The following DIAPH3 variants were observed in gnomAD, a reference collection of about 807,000 sequenced individuals.
DIAPH3 encodes the protein diaphanous related formin 3.
A neutral mutation model predicts 144.3 loss-of-function variants in DIAPH3; 117 were observed. The observed-to-expected ratio is 0.81, with a 90% CI of 0.70 to 0.95. The LOEUF (loss-of-function observed/expected upper bound fraction) is 0.95, where lower values mean the gene tolerates loss of function less well. Among genes scored for constraint, DIAPH3 ranks in the 40% least tolerant of loss-of-function variants. The probability of loss-of-function intolerance (pLI) is 0.00; values close to 1 mark genes in which losing one functional copy is unlikely to be tolerated. For missense variants in DIAPH3, 1,421 were observed against 1,412.7 expected (o/e 1.01, Z -0.09); for synonymous variants, 519 against 488.9 (o/e 1.06, Z -0.81).
At chr13:59,811,106 T>C (rs1032537443) in intron 24 of DIAPH3, among the ~76,000 whole-genome samples, 183 bp from the exon 25 acceptor site, 2 of 152,156 alleles carry the variant, frequency 1.3e-5, no homozygotes, top group African/African-American at 4.8e-5. Flanking sequence ...ATGTTATGTA[T>C]CTATAAATAC....
intron 21 of DIAPH3, among the ~76,000 whole-genome samples, chr13:59,878,789 T>A (rs1266020022): frequency 6.6e-6 from 1 of 152,004 alleles, no homozygotes; most frequent in East Asian, 1.9e-4. Context: ...TATAAAGGGG[T>A]CCCATTTTTC....
intron 24 of DIAPH3, among the ~76,000 whole-genome samples, chr13:59,820,522 T>A (rs2041014018): frequency 6.6e-6 from 1 of 151,928 alleles, no homozygotes; most frequent in Non-Finnish European, 1.5e-5. Flanking sequence ...CACTTGAAAT[T>A]AGATATTCCT....
intron 18 of DIAPH3, 134 bp from the exon 19 acceptor site, chr13:59,916,383 GA>G (rs1194763325): frequency 1.8e-5 from 13 of 716,600 alleles, no homozygotes; most frequent in African/African-American, 3.6e-5. Flanking sequence ...ATGTTTGGGG[GA>G]AACATATTAT....
At chr13:60,068,990 G>A (rs918710782) in intron 4 of DIAPH3, among the ~76,000 whole-genome samples, 8 of 152,090 alleles carry the variant, frequency 5.3e-5, no homozygotes, top group African/African-American at 1.7e-4. Context: ...ATATTCCTTT[G>A]GGTATATACT....
intron 18 of DIAPH3, among the ~76,000 whole-genome samples, chr13:59,919,809 G>T (rs1385838009): frequency 6.6e-6 from 1 of 151,988 alleles, no homozygotes; most frequent in African/African-American, 2.4e-5. Flanking sequence ...CTTTAAAAGG[G>T]AGAATAGAGG....
rs543542829 is a variant in DIAPH3 at position 59,710,005 on chromosome 13, A to G, written c.3320-43159T>C. ...TAAACTATCGCAAGAACAAAAAACGAAACACTGCATATTCTCACTCATAGG... is the reference window on the plus strand; with the variant it reads ...TAAACTATCGCAAGAACAAAAAACGGAACACTGCATATTCTCACTCATAGG... On this transcript the variant is annotated intron_variant, in intron 27 of 27. Transcript: ENST00000400324. Among the ~76,000 whole-genome samples, 466 of 152,224 alleles carry G rather than the reference A, an allele frequency of 3.1e-3. 2 individuals are homozygous for G. The highest frequency in any genetic ancestry group is 9.8e-3 in the African/African-American group (409 of 41,526).
In DIAPH3 at chr13:59,899,701, G is replaced by A. The variant is rs867025802; in HGVS notation, c.2367+12034C>T. 4.6e-5 allele frequency among the ~76,000 whole-genome samples: 7 copies of A among 152,292 alleles called. No individual in the cohort carries two copies. In the South Asian group the frequency reaches 6.2e-4, roughly 14 times the overall value. Reference sequence around the variant, plus strand: ...AACAGAACATTATGTGACTGAAGTCGTTGGCTGTTGTGTTAAGAATAGACT... The same window carrying A: ...AACAGAACATTATGTGACTGAAGTCATTGGCTGTTGTGTTAAGAATAGACT... On this transcript the variant is annotated intron_variant, in intron 20 of 27. Coordinates refer to ENST00000400324, the MANE Select transcript of DIAPH3 (RefSeq NM_001042517.2).
intron 27 of DIAPH3, among the ~76,000 whole-genome samples, chr13:59,668,341 C>T (rs2032143402): frequency 6.6e-6 from 1 of 152,206 alleles, no homozygotes; most frequent in Non-Finnish European, 1.5e-5. Context: ...CAGCTTACTG[C>T]TCCTTCCCCA....
chr13:59,973,933 G>C (rs796384630), intron 15 of DIAPH3, among the ~76,000 whole-genome samples: 11 of 152,154 alleles, frequency 7.2e-5, no homozygotes, highest in African/African-American at 2.6e-4. Flanking sequence ...AAAATTATCA[G>C]AAAATGTTCT....
At chr13:59,690,653 T>C (rs2033465034) in intron 27 of DIAPH3, among the ~76,000 whole-genome samples, 1 of 152,202 alleles carries the variant, frequency 6.6e-6, no homozygotes. Flanking sequence ...GAAATTGCTT[T>C]GTGAATTCCA....
chr13:60,004,142 A>C (rs777152656), intron 9 of DIAPH3, among the ~76,000 whole-genome samples: 1 of 152,248 alleles, frequency 6.6e-6, no homozygotes, highest in Non-Finnish European at 1.5e-5. Context: ...TCTCCAATTT[A>C]AAAGTAAACA....
intron 27 of DIAPH3, among the ~76,000 whole-genome samples, chr13:59,700,294 T>C (rs1229632440): frequency 6.6e-6 from 1 of 152,176 alleles, no homozygotes; most frequent in Non-Finnish European, 1.5e-5. Context: ...GTAATAGTAG[T>C]CAAATATTTC....
At chr13:59,681,264 A>T (rs1429790748) in intron 27 of DIAPH3, among the ~76,000 whole-genome samples, 4 of 152,184 alleles carry the variant, frequency 2.6e-5, no homozygotes, top group Admixed American at 2.6e-4. Flanking sequence ...TGAGACCAGG[A>T]CTTTAAGATC....
At chr13:59,751,211 G>C (rs373267901) in intron 27 of DIAPH3, among the ~76,000 whole-genome samples, 2 of 152,306 alleles carry the variant, frequency 1.3e-5, no homozygotes, top group East Asian at 1.9e-4. Context: ...GACAACATAG[G>C]GCTTTGGCTG....
chr13:60,140,836 A>ATAC (rs1555384389), intron 1 of DIAPH3, among the ~76,000 whole-genome samples: 2 of 151,696 alleles, frequency 1.3e-5, no homozygotes, highest in Non-Finnish European at 2.9e-5. Flanking sequence ...CATCTAATAA[A>ATAC]TATGTGCACA....
At chr13:59,844,503 CAA>C (rs11402186) in intron 22 of DIAPH3, among the ~76,000 whole-genome samples, 8 of 127,658 alleles carry the variant, frequency 6.3e-5, no homozygotes, top group Admixed American at 7.8e-5. Flanking sequence ...GACTCCATCC[CAA>C]AAAAAAAAAA....
intron 20 of DIAPH3, among the ~76,000 whole-genome samples, chr13:59,904,474 G>A (rs2046622425): frequency 6.6e-6 from 1 of 151,988 alleles, no homozygotes; most frequent in African/African-American, 2.4e-5. Flanking sequence ...TTGGGTAACC[G>A]TGTGAAAGGC....
chr13:59,853,341 T>C, intron 22 of DIAPH3, among the ~76,000 whole-genome samples: 1 of 152,344 alleles, frequency 6.6e-6, no homozygotes, highest in East Asian at 1.9e-4. Context: ...TTTGGATTTG[T>C]GTCCCCTCCC....
chr13:60,042,026 T>C (rs2055703414), intron 5 of DIAPH3, among the ~76,000 whole-genome samples: 2 of 152,152 alleles, frequency 1.3e-5, no homozygotes, highest in Non-Finnish European at 2.9e-5. Context: ...TCTGACAAGT[T>C]TAAATATGTC....
Sources: gnomAD v4.1 joint callset for allele counts (sites outside exome capture counted in the v4.1 genomes callset) on GRCh38, gnomAD v4.1.1 for gene constraint, MANE v1.5 for transcripts, NCBI Gene and HGNC (gene_info 2026-07-23, HGNC 2026-07-21) for gene names.